ARHGEF10: variants seen among roughly 807,000 people sequenced by gnomAD.
ARHGEF10 encodes Rho guanine nucleotide exchange factor 10, also known as Rho guanine nucleotide exchange factor (GEF) 10.
A neutral mutation model predicts 147.4 loss-of-function variants in ARHGEF10; 140 were observed. The observed-to-expected ratio is 0.95, with a 90% CI of 0.83 to 1.09. The LOEUF is 1.09. ARHGEF10 is among the 50% of genes least tolerant of loss of function. ARHGEF10 has a pLI of 0.00. For synonymous variants in ARHGEF10, 902 were observed against 695.8 expected, an observed-to-expected ratio of 1.30 and a Z score of -4.67; for missense variants, 2,222 against 1,752.7, an observed-to-expected ratio of 1.27 and a Z score of -4.78.
chr8:1,918,607 T>G (rs1322488765), intron 18 of ARHGEF10, among the ~76,000 whole-genome samples: 1 of 152,218 alleles, frequency 6.6e-6, no homozygotes, highest in Admixed American at 6.5e-5. Flanking sequence ...AATGGCTAAA[T>G]CAAGCTAAGT....
chr8:1,868,943 C>A (rs1177260542), intron 6 of ARHGEF10, among the ~76,000 whole-genome samples: 1 of 152,184 alleles, frequency 6.6e-6, no homozygotes, highest in African/African-American at 2.4e-5. Context: ...AGACATCCTT[C>A]ATTCCCAATA....
At chr8:1,914,234 A>T (rs1431898405) in intron 18 of ARHGEF10, among the ~76,000 whole-genome samples, 1 of 152,236 alleles carries the variant, frequency 6.6e-6, no homozygotes, top group Non-Finnish European at 1.5e-5. Context: ...TGTATTTTTA[A>T]AACGTGAAAC....
At chr8:1,834,097 C>T (rs937889863) in intron 1 of ARHGEF10, among the ~76,000 whole-genome samples, 1 of 152,174 alleles carries the variant, frequency 6.6e-6, no homozygotes, top group Admixed American at 6.5e-5. Context: ...CCTCACCCAT[C>T]GGGGTGGACT....
At chr8:1,838,290 A>T (rs1421631314) in intron 1 of ARHGEF10, among the ~76,000 whole-genome samples, 1 of 152,230 alleles carries the variant, frequency 6.6e-6, no homozygotes, top group Non-Finnish European at 1.5e-5. Context: ...TTGAGGACTC[A>T]TAGCTGTATT....
intron 18 of ARHGEF10, among the ~76,000 whole-genome samples, chr8:1,916,854 C>A (rs1014178119): frequency 6.6e-6 from 1 of 152,216 alleles, no homozygotes; most frequent in Non-Finnish European, 1.5e-5. Context: ...ATTCTTGTAT[C>A]TGGAGACTGT....
intron 26 of ARHGEF10, among the ~76,000 whole-genome samples, chr8:1,940,857 T>G (rs1814032834): frequency 6.6e-6 from 1 of 152,140 alleles, no homozygotes; most frequent in South Asian, 2.1e-4. Flanking sequence ...ATTAACAGAA[T>G]AATGGGGAAA....
At chr8:1,857,934 G>C (rs1259163769) in intron 2 of ARHGEF10, 26 bp from the exon 3 acceptor site, 13 of 1,519,172 alleles carry the variant, frequency 8.6e-6, no homozygotes, top group African/African-American at 2.8e-5. Flanking sequence ...ATCTCTCCTT[G>C]ATGTGGTTTT....
At chr8:1,930,664 GC>G (rs1242664948) in intron 25 of ARHGEF10, among the ~76,000 whole-genome samples, 1 of 152,190 alleles carries the variant, frequency 6.6e-6, no homozygotes, top group Admixed American at 6.5e-5. Context: ...ATCTGCGCCA[GC>G]CCCTCCCAGA....
At chr8:1,843,713 C>G (rs1251113697) in intron 2 of ARHGEF10, among the ~76,000 whole-genome samples, 1 of 152,230 alleles carries the variant, frequency 6.6e-6, no homozygotes, top group Non-Finnish European at 1.5e-5. Context: ...TAAGATTCCC[C>G]TTAGCCTGAT....
At chr8:1,829,398 C>T (rs1802956521) in intron 1 of ARHGEF10, among the ~76,000 whole-genome samples, 1 of 152,228 alleles carries the variant, frequency 6.6e-6, no homozygotes, top group Non-Finnish European at 1.5e-5. Flanking sequence ...CCTGTGTGGG[C>T]CGGGCCAGCT....
chr8:1,862,390 C>G (rs1323230553), intron 4 of ARHGEF10, among the ~76,000 whole-genome samples: 1 of 152,288 alleles, frequency 6.6e-6, no homozygotes, highest in Non-Finnish European at 1.5e-5. Context: ...GAAACCAGCT[C>G]TCAAAGACGT....
chr8:1,923,420 C>T, intron 19 of ARHGEF10, 48 bp from the exon 20 acceptor site: 1 of 1,613,204 alleles, frequency 6.2e-7, no homozygotes, highest in Non-Finnish European at 8.5e-7. Flanking sequence ...TTGGGATGGC[C>T]CTAGTTTTTA....
At chr8:1,846,412 G>T (rs982446112) in intron 2 of ARHGEF10, among the ~76,000 whole-genome samples, 1 of 152,136 alleles carries the variant, frequency 6.6e-6, no homozygotes, top group Non-Finnish European at 1.5e-5. Flanking sequence ...TAAGTCAACC[G>T]TCCACTTAAA....
At chr8:1,903,493 T>A in intron 16 of ARHGEF10, 42 bp downstream of exon 16, 2 of 1,609,636 alleles carry the variant, frequency 1.2e-6, no homozygotes, top group Non-Finnish European at 1.7e-6. Context: ...AAATTATTTT[T>A]GCTTTGTGCT....
chr8:1,833,280 GTAGAGA>G (rs1490998504), intron 1 of ARHGEF10, among the ~76,000 whole-genome samples: 1 of 128,130 alleles, frequency 7.8e-6, no homozygotes, highest in African/African-American at 3.1e-5. Context: ...AGAGACAGAG[GTAGAGA>G]CAGAAGCAGA....
chr8:1,857,575 A>G (rs925174493), intron 2 of ARHGEF10, among the ~76,000 whole-genome samples: 1 of 151,550 alleles, frequency 6.6e-6, no homozygotes, highest in Non-Finnish European at 1.5e-5. Context: ...GCCCGCCAAC[A>G]CGCCTGGCTA....
intron 1 of ARHGEF10, among the ~76,000 whole-genome samples, chr8:1,840,073 G>T (rs1585226615): frequency 1.6e-5 from 2 of 124,912 alleles, no homozygotes; most frequent in African/African-American, 6.6e-5. Flanking sequence ...TGGTGTGGAA[G>T]CTGTCTGGTG....
chr8:1,903,535 T>C (rs1197394839), intron 16 of ARHGEF10, 84 bp downstream of exon 16: 3 of 1,545,094 alleles, frequency 1.9e-6, no homozygotes, highest in Non-Finnish European at 8.8e-7. Context: ...AATACTAATC[T>C]TTTGGATCGT....
intron 18 of ARHGEF10, among the ~76,000 whole-genome samples, chr8:1,914,636 G>C (rs968637599): frequency 1.3e-5 from 2 of 152,216 alleles, no homozygotes; most frequent in Non-Finnish European, 2.9e-5. Context: ...CACAGCAGTC[G>C]AAATGAAGGA....
Sources: gnomAD v4.1 joint callset for allele counts (sites outside exome capture counted in the v4.1 genomes callset) on GRCh38, gnomAD v4.1.1 for gene constraint, MANE v1.5 for transcripts, NCBI Gene and HGNC (gene_info 2026-07-23, HGNC 2026-07-21) for gene names.